Variants in DNER observed in about 807,000 individuals in gnomAD.
DNER encodes the protein delta and Notch-like epidermal growth factor-related receptor.
A neutral mutation model predicts 78.2 loss-of-function variants in DNER; 33 were observed. The observed-to-expected ratio is 0.42, with a 90% CI of 0.32 to 0.56. DNER has a LOEUF of 0.56. DNER is among the 20% of genes least tolerant of loss of function. The pLI is 0.11. For synonymous variants in DNER, 417 were observed against 384.8 expected, an observed-to-expected ratio of 1.08 and a Z score of -0.98; for missense variants, 918 against 975.3, an observed-to-expected ratio of 0.94 and a Z score of 0.78.
rs143587127 is a variant in DNER at position 229,408,935 on chromosome 2, C to T, written c.1610-1590G>A. On this transcript the variant is annotated intron_variant, in intron 9 of 12. Transcript: ENST00000341772. ...TGCCTTTCTTTCCTTCCTGAGACCA[C>T]CCCTGTGATCCCACTGCCTCGTGCC... Among the ~76,000 whole-genome samples, 573 of 152,268 alleles carry T rather than the reference C, an allele frequency of 3.8e-3. 9 individuals are homozygous for T. Among genetic ancestry groups the T allele is most frequent in the African/African-American group, 0.013 (541 of 41,540 alleles).
At chr2:229,387,509 G>GAAAGAAAGAGAGAAAGAAAGAA (rs1553602522) in intron 11 of DNER, among the ~76,000 whole-genome samples, 10 of 76,176 alleles carry the variant, frequency 1.3e-4, no homozygotes, top group Admixed American at 3.2e-4. Flanking sequence ...GAAAGAAAGA[G>GAAAGAAAGAGAGAAAGAAAGAA]AGAAAGAAAG....
At chr2:229,479,546 C>G (rs1170717720) in intron 6 of DNER, among the ~76,000 whole-genome samples, 1 of 151,912 alleles carries the variant, frequency 6.6e-6, no homozygotes, top group Admixed American at 6.6e-5. Flanking sequence ...AACCCTGTCT[C>G]TACTAAAAAT....
rs779524622 is a variant in DNER at position 229,512,819 on chromosome 2, G to T, written c.1111C>A (p.Gln371Lys). ...NASCIDANEK[Q>K]DGSNFTCVCL... ...ACACAGGTGAAATTGCTCCCATCTT[G>T]CTTTTCATTTGCATCAATACAGCTC... The change falls in exon 6 of 13, where the codon CAA becomes AAA. Residue 371 changes from glutamine to lysine, a missense_variant. Coordinates refer to ENST00000341772, the MANE Select transcript of DNER (RefSeq NM_139072.4). The T allele has an allele frequency of 9.9e-6, 16 of 1,613,998 alleles. No individual in the cohort carries two copies. In the African/African-American group the frequency reaches 2.0e-4, roughly 20 times the overall value.
intron 8 of DNER, among the ~76,000 whole-genome samples, chr2:229,427,572 G>A (rs550266804): frequency 1.3e-5 from 2 of 152,276 alleles, no homozygotes; most frequent in South Asian, 2.1e-4. Flanking sequence ...GGGAGGAGAG[G>A]GAGGAGATGC....
chr2:229,597,744 T>C (rs1697748247), intron 1 of DNER, among the ~76,000 whole-genome samples: 1 of 152,262 alleles, frequency 6.6e-6, no homozygotes. Context: ...ATTTATTAAA[T>C]GCCGTGTGCT....
chr2:229,701,160 C>T (rs1699740623), intron 1 of DNER, among the ~76,000 whole-genome samples: 1 of 152,236 alleles, frequency 6.6e-6, no homozygotes, highest in Non-Finnish European at 1.5e-5. Flanking sequence ...GTCTTTTACA[C>T]ATTTCCATGC....
chr2:229,392,192 T>A (rs1467799929), intron 10 of DNER, among the ~76,000 whole-genome samples: 4 of 151,868 alleles, frequency 2.6e-5, no homozygotes, highest in African/African-American at 7.3e-5. Flanking sequence ...AAATTATTTC[T>A]AACTTTTTTT....
chr2:229,518,096 A>T (rs962280005), intron 5 of DNER, among the ~76,000 whole-genome samples: 1 of 152,218 alleles, frequency 6.6e-6, no homozygotes, highest in Non-Finnish European at 1.5e-5. Context: ...CAGAAGCTGG[A>T]TGGTTATTTA....
intron 1 of DNER, among the ~76,000 whole-genome samples, chr2:229,658,094 T>C (rs1288654488): frequency 6.6e-6 from 1 of 152,198 alleles, no homozygotes; most frequent in African/African-American, 2.4e-5. Context: ...ATAAAAATGC[T>C]AGAAAGACCT....
chr2:229,531,360 A>T (rs115720204), intron 5 of DNER, among the ~76,000 whole-genome samples: 1 of 152,124 alleles, frequency 6.6e-6, no homozygotes, highest in African/African-American at 2.4e-5. Flanking sequence ...GGGGAAACTC[A>T]TTTTTTTCCA....
At chr2:229,596,888 T>A (rs10182101) in intron 1 of DNER, among the ~76,000 whole-genome samples, 1 of 148,922 alleles carries the variant, frequency 6.7e-6, no homozygotes, top group Non-Finnish European at 1.5e-5. Context: ...GGATTCAAAG[T>A]AGTGGATAAT....
intron 5 of DNER, among the ~76,000 whole-genome samples, chr2:229,538,743 T>C (rs971696233): frequency 2.6e-5 from 4 of 152,276 alleles, no homozygotes; most frequent in African/African-American, 7.2e-5. Flanking sequence ...TTCTCCATGT[T>C]GGTCAGGCTG....
At chr2:229,657,900 C>T (rs1698938098) in intron 1 of DNER, among the ~76,000 whole-genome samples, 1 of 151,996 alleles carries the variant, frequency 6.6e-6, no homozygotes, top group African/African-American at 2.4e-5. Context: ...ACCTGCATTT[C>T]AAGGGAATTT....
intron 1 of DNER, among the ~76,000 whole-genome samples, chr2:229,603,933 C>T (rs1273197995): frequency 2.0e-5 from 3 of 152,128 alleles, no homozygotes; most frequent in African/African-American, 7.2e-5. Flanking sequence ...CCATAAGGTT[C>T]CTTCCTGATT....
intron 7 of DNER, among the ~76,000 whole-genome samples, chr2:229,461,687 C>T (rs1694706208): frequency 6.6e-6 from 1 of 151,880 alleles, no homozygotes; most frequent in African/African-American, 2.4e-5. Context: ...TAACTGGAAG[C>T]TAATAAGCAA....
At chr2:229,618,496 T>C (rs1698203093) in intron 1 of DNER, among the ~76,000 whole-genome samples, 2 of 152,198 alleles carry the variant, frequency 1.3e-5, no homozygotes, top group Admixed American at 6.5e-5. Flanking sequence ...TGAAGGCCTA[T>C]TTCCAAGGGC....
intron 9 of DNER, among the ~76,000 whole-genome samples, chr2:229,417,372 G>A (rs758509871): frequency 1.3e-5 from 2 of 152,126 alleles, no homozygotes; most frequent in Non-Finnish European, 2.9e-5. Flanking sequence ...ATCTAAACCC[G>A]GCCCCGTAGT....
At position 229,363,205 on chromosome 2, in the gene DNER, T is replaced by G. The variant is rs369250692; in HGVS notation, c.2102+3668A>C. On this transcript the variant is annotated intron_variant, in intron 12 of 12. Coordinates refer to ENST00000341772, the MANE Select transcript of DNER (RefSeq NM_139072.4). The stretch of plus-strand genomic sequence containing the variant: ...GGAGGGGTCTCCTTCTCAACCCTAC[T>G]AGGAGTTACAACCAACAGACTCTGA... Among the ~76,000 whole-genome samples the G allele has an allele frequency of 4.1e-4, 62 of 152,266 alleles. 1 individual carries two copies. The highest frequency in any genetic ancestry group is 1.3e-3 in the African/African-American group (55 of 41,550).
chr2:229,384,023 C>T (rs1179693844), intron 11 of DNER, among the ~76,000 whole-genome samples: 2 of 152,162 alleles, frequency 1.3e-5, no homozygotes, highest in East Asian at 3.8e-4. Context: ...AAACACTCCT[C>T]AGCACATACA....
Sources: allele counts gnomAD v4.1 joint callset (sites outside exome capture counted in the v4.1 genomes callset), GRCh38; gene constraint gnomAD v4.1.1; transcripts MANE v1.5; gene names NCBI Gene and HGNC (gene_info 2026-07-23, HGNC 2026-07-21).